Variants in BICRA observed in about 807,000 individuals in gnomAD.
The protein encoded by BICRA is BRD4-interacting chromatin-remodeling complex-associated protein.
A neutral mutation model predicts 96.9 loss-of-function variants in BICRA; 31 were observed. The ratio of observed to expected loss-of-function variants is 0.32; its 90% CI spans 0.24 to 0.43. The LOEUF is 0.43. BICRA is among the 20% of genes least tolerant of loss of function. The pLI is 1.00. For missense variants in BICRA, 2,283 were observed against 2,190.3 expected (o/e 1.04, Z -0.84); for synonymous variants, 1,350 against 1,071.8 (o/e 1.26, Z -5.07).
At position 47,688,268 on chromosome 19, in the gene BICRA, A is replaced by G. The variant is rs746214024; in HGVS notation, c.2284-5847A>G. On this transcript the variant is annotated intron_variant, in intron 7 of 14. Coordinates refer to ENST00000594866, the MANE Select transcript of BICRA (RefSeq NM_001394372.1). ...AGCGAGATCTCATTTCTGAAGAAAG[A>G]AAGAAATGGAAGGAAGAGAAGGAGG... Among the ~76,000 whole-genome samples the G allele has an allele frequency of 2.6e-5, 4 of 152,100 alleles. 1 individual carries two copies. The highest frequency in any genetic ancestry group is 5.9e-5 in the Non-Finnish European group (4 of 68,024).
chr19:47,660,068 C>T (rs919525663), intron 1 of BICRA, among the ~76,000 whole-genome samples: 5 of 152,166 alleles, frequency 3.3e-5, no homozygotes, highest in African/African-American at 1.2e-4. Flanking sequence ...ACCACAGATG[C>T]AGGATCTTAA....
chr19:47,618,913 G>A (rs568735480), intron 1 of BICRA, among the ~76,000 whole-genome samples: 3 of 152,330 alleles, frequency 2.0e-5, no homozygotes, highest in South Asian at 4.1e-4. Flanking sequence ...CTCGTCCACC[G>A]TGTGAGGCTG....
chr19:47,673,247 G>C (rs939155213), intron 2 of BICRA, among the ~76,000 whole-genome samples: 1 of 152,072 alleles, frequency 6.6e-6, no homozygotes, highest in African/African-American at 2.4e-5. Flanking sequence ...ACAGGCCGTG[G>C]GACCCCTCCT....
intron 1 of BICRA, among the ~76,000 whole-genome samples, chr19:47,644,968 G>C (rs895894762): frequency 6.6e-6 from 1 of 152,186 alleles, no homozygotes; most frequent in Non-Finnish European, 1.5e-5. Context: ...TTTGAGAGTA[G>C]GAATGACACG....
At position 47,685,786 on chromosome 19, in the gene BICRA, T is replaced by TGTGTGTGTGTGC; in HGVS notation, c.2283+3635_2283+3636insTGTGTGTGTGCG. Among the ~76,000 whole-genome samples the TGTGTGTGTGTGC allele has an allele frequency of 2.5e-3, 299 of 117,950 alleles. 1 individual carries two copies. Among genetic ancestry groups the TGTGTGTGTGTGC allele is most frequent in the East Asian group, 0.013 (38 of 2,864 alleles). 77.4% of individuals were successfully genotyped at this position (117,950 alleles called of 152,430 possible). A position where few individuals can be genotyped will look rare whatever the true frequency, so the allele number is the denominator to read the frequency against. On this transcript the variant is annotated intron_variant, in intron 7 of 14. Coordinates refer to ENST00000594866, the MANE Select transcript of BICRA (RefSeq NM_001394372.1). ...GTGTGTGTGTGTGTGTGTGTGTGTG[T>TGTGTGTGTGTGC]GCGCGCGCGCGCGCATGCGTACATT...
Position 47,679,808 on chromosome 19 carries a change from G to A in BICRA, c.638G>A (p.Gly213Asp). The part of the protein sequence containing the change: ...LGNVTLQPIP[G>D]LQGLPNGSPG... ...AATGTGACACTGCAGCCCATCCCGG[G>A]CCTCCAAGGCCTGCCCAATGGCAGC... Residue 213 changes from glycine (G) to aspartate (D), a missense_variant, in exon 6 of 15, where the codon GGC (glycine) becomes GAC (aspartate). Physicochemically the swap from Gly to Asp is moderately conservative, Grantham distance 94. Coordinates refer to ENST00000594866, the MANE Select transcript of BICRA (RefSeq NM_001394372.1). 1 of 1,483,442 alleles carries A rather than the reference G, an allele frequency of 6.7e-7. No homozygotes were observed. 91.9% of individuals were successfully genotyped at this position (1,483,442 alleles called of 1,614,324 possible).
intron 1 of BICRA, among the ~76,000 whole-genome samples, chr19:47,636,610 C>T (rs996115769): frequency 2.6e-5 from 4 of 152,084 alleles, no homozygotes; most frequent in Non-Finnish European, 5.9e-5. Context: ...CAGGTTCCAG[C>T]GATTCTCCTG....
intron 1 of BICRA, among the ~76,000 whole-genome samples, chr19:47,621,976 T>A (rs1220475518): frequency 1.3e-5 from 2 of 151,476 alleles, no homozygotes; most frequent in East Asian, 1.9e-4. Context: ...ACTTTATTTT[T>A]TTTTTTTTGA....
chr19:47,692,025 T>C (rs966529103), intron 7 of BICRA, among the ~76,000 whole-genome samples: 2 of 152,132 alleles, frequency 1.3e-5, no homozygotes, highest in South Asian at 4.1e-4. Flanking sequence ...GATCCTGTAA[T>C]GTTGTATTAT....
chr19:47,674,440 G>A (rs117975519), intron 4 of BICRA, among the ~76,000 whole-genome samples: 78 of 152,342 alleles, frequency 5.1e-4, no homozygotes, highest in Middle Eastern at 3.4e-3. Flanking sequence ...GAACAAAATG[G>A]GGAAAAGTAG....
chr19:47,696,237 G>A (rs951400128), intron 10 of BICRA, among the ~76,000 whole-genome samples: 6 of 152,110 alleles, frequency 3.9e-5, no homozygotes, highest in Non-Finnish European at 7.4e-5. Context: ...GCTCCAGCCT[G>A]CCTGTCACCC....
intron 1 of BICRA, among the ~76,000 whole-genome samples, chr19:47,625,423 G>T (rs1599788851): frequency 6.6e-6 from 1 of 151,974 alleles, no homozygotes; most frequent in South Asian, 2.1e-4. Context: ...CTGCTTAAAT[G>T]CTCCCTCCTC....
intron 1 of BICRA, among the ~76,000 whole-genome samples, chr19:47,651,595 G>A (rs1013309278): frequency 4.6e-5 from 7 of 152,088 alleles, no homozygotes; most frequent in Non-Finnish European, 8.8e-5. Flanking sequence ...CAGCACCATC[G>A]GGAAAGCGTT....
chr19:47,679,841 G>A lies in BICRA; in HGVS notation c.671G>A (p.Gly224Asp). ...LQGLPNGSPG[G>D]ATAATLGLAP... Reference sequence around the variant, plus strand: ...GGCCTGCCCAATGGCAGCCCTGGGGGTGCCACGGCGGCCACACTGGGCCTG... The same window carrying A: ...GGCCTGCCCAATGGCAGCCCTGGGGATGCCACGGCGGCCACACTGGGCCTG... Residue 224 changes from glycine to aspartate, a missense_variant, in exon 6 of 15, where the codon GGT becomes GAT. Coordinates refer to ENST00000594866, the MANE Select transcript of BICRA (RefSeq NM_001394372.1). The A allele has an allele frequency of 6.7e-7, 1 of 1,490,774 alleles. No homozygotes were observed. Among genetic ancestry groups the A allele is most frequent in the South Asian group, 1.3e-5 (1 of 76,712 alleles). 92.3% of individuals were successfully genotyped at this position (1,490,774 alleles called of 1,614,324 possible).
At chr19:47,609,708 C>T (rs1165992616) in intron 1 of BICRA, among the ~76,000 whole-genome samples, 1 of 151,820 alleles carries the variant, frequency 6.6e-6, no homozygotes, top group Non-Finnish European at 1.5e-5. Context: ...CGGCCGGAGG[C>T]GGAGAGCCTG....
In BICRA at chr19:47,699,381, A is replaced by G. The variant is rs1196182371; in HGVS notation, c.3571A>G (p.Lys1191Glu). 6.4e-7 allele frequency: 1 copy of G among 1,564,064 alleles called. No homozygotes were observed. The highest frequency in any genetic ancestry group is 8.7e-7 in the Non-Finnish European group (1 of 1,153,864). The change falls in exon 14 of 15, where the codon AAA (lysine) becomes GAA (glutamate). Residue 1191 changes from lysine (K) to glutamate (E), a missense_variant. Coordinates refer to ENST00000594866, the MANE Select transcript of BICRA (RefSeq NM_001394372.1). The surrounding 1 kb of genome is among the most constrained non-coding windows in gnomAD (Gnocchi z 5.0). ...GGAGAAGACCACCCTTGCCTTGGAT[A>G]AACAGCTGGCCAAGGAGAAGCCGGG... ...QEEKTTLALD[K>E]QLAKEKPDEY...
intron 1 of BICRA, chr19:47,663,360 T>G (rs1404234561): frequency 6.6e-6 from 1 of 152,286 alleles, no homozygotes; most frequent in African/African-American, 2.4e-5. Context: ...CACTCCAGCC[T>G]GGGTGACAGA....
intron 8 of BICRA, 34 bp from the exon 9 acceptor site, chr19:47,694,866 T>C (rs771272400): frequency 6.2e-6 from 9 of 1,457,624 alleles, no homozygotes; most frequent in Non-Finnish European, 8.2e-6. Flanking sequence ...CTAGCCTATG[T>C]TCCCCACCCC....
At chr19:47,653,294 A>C (rs1972567821) in intron 1 of BICRA, among the ~76,000 whole-genome samples, 1 of 149,994 alleles carries the variant, frequency 6.7e-6, no homozygotes, top group African/African-American at 2.5e-5. Context: ...AAGTGCTGGG[A>C]TTATAGGCAT....
Sources: gnomAD v4.1 joint callset for allele counts (sites outside exome capture counted in the v4.1 genomes callset) on GRCh38, gnomAD v4.1.1 for gene constraint, Gnocchi (gnomAD v3.1) non-coding constraint, MANE v1.5 for transcripts, NCBI Gene and HGNC (gene_info 2026-07-23, HGNC 2026-07-21) for gene names.